The following CFAP299 variants were observed in gnomAD, a reference collection of about 807,000 sequenced individuals.
CFAP299 encodes cilia- and flagella-associated protein 299.
In CFAP299, 21 loss-of-function variants were observed where a neutral mutation model predicts 27.0. That is an observed-to-expected ratio of 0.78 (90% CI 0.55 to 1.12). The LOEUF is 1.12. Among genes scored for constraint, CFAP299 ranks in the 50% most tolerant of loss-of-function variants. The probability of loss-of-function intolerance (pLI) is 0.00; values close to 1 mark genes in which losing one functional copy is unlikely to be tolerated. For synonymous variants in CFAP299, 104 were observed against 98.1 expected (o/e 1.06, Z -0.36); for missense variants, 310 against 276.6 (o/e 1.12, Z -0.86).
At chr4:80,852,692 T>C (rs995442399) in intron 3 of CFAP299, among the ~76,000 whole-genome samples, 4 of 152,188 alleles carry the variant, frequency 2.6e-5, no homozygotes, top group African/African-American at 9.6e-5. Flanking sequence ...CTAAGTAAGA[T>C]ATGTTTATTT....
At chr4:80,445,116 C>A (rs554642085) in intron 2 of CFAP299, among the ~76,000 whole-genome samples, 3 of 152,132 alleles carry the variant, frequency 2.0e-5, no homozygotes, top group Non-Finnish European at 4.4e-5. Context: ...GACAGTGTGG[C>A]GATTCCTCAA....
chr4:80,387,517 C>G (rs1725080803), intron 2 of CFAP299: 2 of 844,806 alleles, frequency 2.4e-6, no homozygotes, highest in Admixed American at 1.9e-5. Context: ...CTGTGGCGAG[C>G]TTGGTAGGGG....
At chr4:80,487,076 A>G (rs889093974) in intron 2 of CFAP299, among the ~76,000 whole-genome samples, 5 of 152,218 alleles carry the variant, frequency 3.3e-5, no homozygotes, top group Non-Finnish European at 5.9e-5. Context: ...AGGCCTATAT[A>G]TTATATTTAA....
At chr4:80,540,385 A>T (rs1733943139) in intron 2 of CFAP299, among the ~76,000 whole-genome samples, 1 of 152,208 alleles carries the variant, frequency 6.6e-6, no homozygotes, top group Admixed American at 6.5e-5. Flanking sequence ...TGTTTGATGA[A>T]GTAAAGAAAT....
At chr4:80,806,629 C>T (rs1238500831) in intron 3 of CFAP299, among the ~76,000 whole-genome samples, 1 of 152,164 alleles carries the variant, frequency 6.6e-6, no homozygotes, top group Non-Finnish European at 1.5e-5. Flanking sequence ...CAATTCATTC[C>T]TATTATTGCA....
At chr4:80,493,427 A>G (rs868263460) in intron 2 of CFAP299, among the ~76,000 whole-genome samples, 13 of 152,264 alleles carry the variant, frequency 8.5e-5, no homozygotes, top group Middle Eastern at 3.4e-3. Context: ...TGGCTAATTT[A>G]AAGATGATGG....
At chr4:80,796,437 G>T (rs567522898) in intron 3 of CFAP299, among the ~76,000 whole-genome samples, 16 of 152,314 alleles carry the variant, frequency 1.1e-4, no homozygotes, top group Middle Eastern at 3.4e-3. Context: ...GAAGTGAAAA[G>T]TGATCACGCT....
intron 2 of CFAP299, among the ~76,000 whole-genome samples, chr4:80,563,290 T>C (rs369305933): frequency 2.0e-5 from 3 of 152,152 alleles, no homozygotes; most frequent in Non-Finnish European, 2.9e-5. Flanking sequence ...ATAAACCATA[T>C]GTTAGGTCAC....
intron 4 of CFAP299, among the ~76,000 whole-genome samples, chr4:80,933,051 C>T (rs973903628): frequency 3.3e-5 from 5 of 151,938 alleles, no homozygotes; most frequent in Admixed American, 2.0e-4. Flanking sequence ...TATATGTATA[C>T]GTTTTGAATA....
chr4:80,489,898 A>G (rs1731026917), intron 2 of CFAP299, among the ~76,000 whole-genome samples: 2 of 147,494 alleles, frequency 1.4e-5, no homozygotes, highest in South Asian at 4.4e-4. Context: ...CTTCCTTCAT[A>G]GAATTTCCTG....
At chr4:80,746,327 A>G (rs1724588318) in intron 3 of CFAP299, among the ~76,000 whole-genome samples, 1 of 152,096 alleles carries the variant, frequency 6.6e-6, no homozygotes, top group Admixed American at 6.6e-5. Flanking sequence ...TTTTAAAACT[A>G]TTATTACATA....
chr4:80,386,395 G>A, intron 2 of CFAP299: 1 of 1,533,616 alleles, frequency 6.5e-7, no homozygotes, highest in Non-Finnish European at 8.8e-7. Flanking sequence ...TCGGGCACCA[G>A]ACCAGCCCCT....
At chr4:80,683,203 A>T (rs975518723) in intron 3 of CFAP299, among the ~76,000 whole-genome samples, 1 of 152,180 alleles carries the variant, frequency 6.6e-6, no homozygotes, top group East Asian at 1.9e-4. Flanking sequence ...TGAATTCTTT[A>T]TAAATAATTA....
At chr4:80,572,614 T>C (rs1439453139) in intron 2 of CFAP299, among the ~76,000 whole-genome samples, 1 of 142,698 alleles carries the variant, frequency 7.0e-6, no homozygotes, top group Non-Finnish European at 1.5e-5. Flanking sequence ...GCCTCCCAGG[T>C]TCAAGTGATT....
intron 3 of CFAP299, among the ~76,000 whole-genome samples, chr4:80,737,758 A>G (rs1333784018): frequency 1.3e-5 from 2 of 152,074 alleles, no homozygotes; most frequent in African/African-American, 4.8e-5. Context: ...GAAAAAAATT[A>G]AAAAGAAGAA....
At chr4:80,957,212 T>G (rs1738114058) in intron 5 of CFAP299, among the ~76,000 whole-genome samples, 1 of 152,170 alleles carries the variant, frequency 6.6e-6, no homozygotes, top group African/African-American at 2.4e-5. Context: ...TATTTTATAC[T>G]TGGCTTGGAG....
At chr4:80,923,238 T>C (rs1736134876) in intron 4 of CFAP299, among the ~76,000 whole-genome samples, 1 of 152,048 alleles carries the variant, frequency 6.6e-6, no homozygotes, top group South Asian at 2.1e-4. Flanking sequence ...CCCCAGTTTG[T>C]GGAGTTAGAG....
At chr4:80,639,239 C>T (rs984582815) in intron 3 of CFAP299, among the ~76,000 whole-genome samples, 7 of 152,092 alleles carry the variant, frequency 4.6e-5, no homozygotes, top group African/African-American at 1.4e-4. Context: ...GTATGTAAAA[C>T]AAAGAGTCAC....
chr4:80,614,292 A>G (rs1321876791), intron 3 of CFAP299, among the ~76,000 whole-genome samples: 2 of 152,218 alleles, frequency 1.3e-5, no homozygotes, highest in African/African-American at 2.4e-5. Context: ...AATAGAAAAT[A>G]TGTTCCTGAA....
Sources: gnomAD v4.1 joint callset for allele counts (sites outside exome capture counted in the v4.1 genomes callset) on GRCh38, gnomAD v4.1.1 for gene constraint, MANE v1.5 for transcripts, NCBI Gene and HGNC (gene_info 2026-07-23, HGNC 2026-07-21) for gene names.